The following RORA variants were observed in gnomAD, a reference collection of about 807,000 sequenced individuals.
RORA encodes the protein nuclear receptor ROR-alpha.
Under a neutral mutation model 69.5 loss-of-function variants are expected in RORA, and 7 were observed. The ratio of observed to expected loss-of-function variants is 0.10; its 90% CI spans 0.06 to 0.19. The LOEUF is 0.19. Ranked by LOEUF, RORA falls within the 10% of genes least tolerant of loss-of-function variation. The pLI, the probability that RORA is intolerant of heterozygous loss-of-function variation, is 1.00. For synonymous variants in RORA, 261 were observed against 240.8 expected, an observed-to-expected ratio of 1.08 and a Z score of -0.78; for missense variants, 457 against 663.0, an observed-to-expected ratio of 0.69 and a Z score of 3.41.
intron 1 of RORA, among the ~76,000 whole-genome samples, chr15:60,947,684 T>C (rs1457946243): frequency 7.1e-5 from 1 of 14,072 alleles, no homozygotes; most frequent in Non-Finnish European, 1.2e-4. Context: ...CCAAGAATGA[T>C]CAATAAAAAA....
chr15:60,714,256 G>A (rs897749313), intron 1 of RORA, among the ~76,000 whole-genome samples: 5 of 151,168 alleles, frequency 3.3e-5, no homozygotes, highest in African/African-American at 4.9e-5. Context: ...ATGGGGTTTC[G>A]CCACATTGAC....
rs2065077954 is a variant in RORA at position 60,493,165 on chromosome 15, A to G, written c.*4290T>C. 6.6e-6 allele frequency: 1 copy of G among 152,194 alleles called. No homozygotes were observed. Among genetic ancestry groups the G allele is most frequent in the East Asian group, 1.9e-4 (1 of 5,202 alleles). 9.4% of individuals were successfully genotyped at this position (152,194 alleles called of 1,614,324 possible). A position where few individuals can be genotyped will look rare whatever the true frequency, so the allele number is the denominator to read the frequency against. On this transcript the variant is annotated 3_prime_UTR_variant, in exon 11 of 11. Coordinates refer to ENST00000335670, the MANE Select transcript of RORA (RefSeq NM_134261.3). ...AATAACTTTTTATTATTATCTTAAA[A>G]TAATAGCATTGGAAGGACATATGAT... is the stretch of plus-strand genomic sequence containing the variant.
intron 3 of RORA, chr15:60,530,924 A>G (rs1229846738): frequency 2.0e-5 from 3 of 152,154 alleles, no homozygotes; most frequent in Non-Finnish European, 4.4e-5. Context: ...AGGCCCTTCC[A>G]ATATAAGCAT....
chr15:60,677,433 C>T (rs946592953), intron 2 of RORA, among the ~76,000 whole-genome samples: 3 of 152,172 alleles, frequency 2.0e-5, no homozygotes, highest in African/African-American at 4.8e-5. Flanking sequence ...CCATCCGGAT[C>T]ATGTGTCTAG....
At chr15:60,893,438 AC>A (rs1484146598) in intron 1 of RORA, among the ~76,000 whole-genome samples, 2 of 151,686 alleles carry the variant, frequency 1.3e-5, no homozygotes. Context: ...GGACAACCAA[AC>A]CCCCACTCCG....
chr15:60,987,375 CA>C (rs1229233634), intron 1 of RORA, among the ~76,000 whole-genome samples: 2 of 152,116 alleles, frequency 1.3e-5, no homozygotes, highest in Non-Finnish European at 2.9e-5. Flanking sequence ...CAAATCCTAC[CA>C]AAACAGTACT....
intron 1 of RORA, among the ~76,000 whole-genome samples, chr15:61,008,201 C>CTTTG (rs1388505353): frequency 2.7e-4 from 29 of 106,710 alleles, no homozygotes; most frequent in African/African-American, 8.4e-4. Flanking sequence ...TTCTCTCTCT[C>CTTTG]TCTGTGTGTG....
intron 1 of RORA, among the ~76,000 whole-genome samples, chr15:60,977,129 A>AAC (rs1450528295): frequency 3.3e-5 from 5 of 151,724 alleles, no homozygotes; most frequent in African/African-American, 1.2e-4. Flanking sequence ...AAAAAAAAAA[A>AAC]AACCTATAGC....
rs1036203636 is a variant in RORA at position 61,128,005 on chromosome 15, T to C, written c.166+101048A>G. On this transcript the variant is annotated intron_variant, in intron 1 of 10. Transcript: ENST00000335670. This position sits in a 1 kb window ranked among gnomAD's most constrained non-coding sequence, Gnocchi z 4.5. ...AGGTGCTAATTAATCTACCTAATTA[T>C]GCAGTCCAGTAGAAGAGGCTTACCC... 3.3e-5 allele frequency among the ~76,000 whole-genome samples: 5 copies of C among 152,118 alleles called. No individual in the cohort carries two copies. The highest frequency in any genetic ancestry group is 1.2e-4 in the African/African-American group (5 of 41,396).
At chr15:61,034,674 G>C (rs372913166) in intron 1 of RORA, among the ~76,000 whole-genome samples, 2 of 150,796 alleles carry the variant, frequency 1.3e-5, no homozygotes, top group Non-Finnish European at 2.9e-5. Context: ...GTGTAACTCT[G>C]ATGTGTGACT....
intron 1 of RORA, among the ~76,000 whole-genome samples, chr15:60,787,782 T>C (rs1315922049): frequency 6.6e-6 from 1 of 152,164 alleles, no homozygotes; most frequent in African/African-American, 2.4e-5. Flanking sequence ...AAGGAGAAAC[T>C]CTGTGGGAAG....
intron 1 of RORA, among the ~76,000 whole-genome samples, chr15:60,969,757 G>C (rs185370045): frequency 6.6e-6 from 1 of 152,188 alleles, no homozygotes; most frequent in African/African-American, 2.4e-5. Context: ...AAGGGAGGGG[G>C]TTTGAGTTCC....
intron 1 of RORA, among the ~76,000 whole-genome samples, chr15:60,972,833 A>G (rs66687463): frequency 1.3e-5 from 2 of 152,012 alleles, no homozygotes; most frequent in Admixed American, 1.3e-4. Flanking sequence ...CAAAAGAATA[A>G]GTTCTCTTAA....
rs979549139 is a variant in RORA at position 61,227,306 on chromosome 15, C to G, written c.166+1747G>C. On this transcript the variant is annotated intron_variant, in intron 1 of 10. Coordinates refer to ENST00000335670, the MANE Select transcript of RORA (RefSeq NM_134261.3). ...ATAACCCGCTCGCATTCCAAATCCA[C>G]CGTCTCAGGGTCTAAATATACTCTT... 2.0e-5 allele frequency among the ~76,000 whole-genome samples: 3 copies of G among 152,114 alleles called. No homozygotes were observed. In the South Asian group the frequency reaches 6.2e-4, roughly 32 times the overall value.
chr15:61,041,687 G>C (rs78177654), intron 1 of RORA, among the ~76,000 whole-genome samples: 4,773 of 152,204 alleles, frequency 0.031, 256 homozygotes, highest in African/African-American at 0.11. Context: ...CATTCCCAAA[G>C]TGCTGGAATT....
At chr15:60,732,888 A>G (rs1039854814) in intron 1 of RORA, among the ~76,000 whole-genome samples, 2 of 152,104 alleles carry the variant, frequency 1.3e-5, no homozygotes, top group African/African-American at 2.4e-5. Flanking sequence ...AGAGATGCAG[A>G]TTCAAATATT....
At chr15:60,580,708 TCC>T (rs1036116247) in intron 2 of RORA, among the ~76,000 whole-genome samples, 6 of 152,154 alleles carry the variant, frequency 3.9e-5, no homozygotes, top group Admixed American at 1.3e-4. Context: ...CTCTGGGAGC[TCC>T]CCCTGAGGAT....
In RORA at chr15:60,862,582, G is replaced by A. The variant is rs1405696287; in HGVS notation, c.167-183896C>T. On this transcript the variant is annotated intron_variant, in intron 1 of 10. Coordinates refer to ENST00000335670, the MANE Select transcript of RORA (RefSeq NM_134261.3). Reference sequence around the variant, plus strand: ...GCAAATTGCATCCGCTCCTACCAAAGGATCACACTCCCAGAAGCTAAAGGA... The same window carrying A: ...GCAAATTGCATCCGCTCCTACCAAAAGATCACACTCCCAGAAGCTAAAGGA... Among the ~76,000 whole-genome samples the A allele has an allele frequency of 3.3e-5, 5 of 152,134 alleles. No individual in the cohort carries two copies. The East Asian group carries it at 9.6e-4, about 29-fold the overall frequency.
chr15:60,978,103 C>A (rs1248359830), intron 1 of RORA, among the ~76,000 whole-genome samples: 2 of 151,436 alleles, frequency 1.3e-5, no homozygotes, highest in Non-Finnish European at 2.9e-5. Context: ...CTAATTACTT[C>A]ACATCTTCTT....
Sources: gnomAD v4.1 joint callset for allele counts (sites outside exome capture counted in the v4.1 genomes callset) on GRCh38, gnomAD v4.1.1 for gene constraint, Gnocchi (gnomAD v3.1) non-coding constraint, MANE v1.5 for transcripts, NCBI Gene and HGNC (gene_info 2026-07-23, HGNC 2026-07-21) for gene names.